FLNB: variants seen among roughly 807,000 people sequenced by gnomAD.
The protein encoded by FLNB is filamin-B.
A neutral mutation model predicts 250.6 loss-of-function variants in FLNB; 111 were observed. That is an observed-to-expected ratio of 0.44 (90% CI 0.38 to 0.52). The LOEUF is 0.52. Ranked by LOEUF, FLNB falls within the 20% of genes least tolerant of loss-of-function variation. FLNB has a pLI of 0.00. For synonymous variants in FLNB, 1,302 were observed against 1,372.1 expected (o/e 0.95, Z 1.13); for missense variants, 2,869 against 3,447.8 (o/e 0.83, Z 4.20).
At position 58,109,125 on chromosome 3, in the gene FLNB, C is replaced by T. The variant is rs7634236; in HGVS notation, c.2056-54C>T. On this transcript the variant is annotated intron_variant, in intron 13 of 45. Transcript: ENST00000295956. ...TCTTGGGAGGCCACAGTGACCCTGT[C>T]TGATAGAGACAGTGTGAGGGCCACC... The T allele has an allele frequency of 0.32, 515,007 of 1,611,822 alleles. 105,310 individuals carry two copies. The highest frequency in any genetic ancestry group is 0.98 in the East Asian group (43,983 of 44,880).
At chr3:58,106,470 G>GA (rs200542539) in intron 11 of FLNB, among the ~76,000 whole-genome samples, 23 of 131,888 alleles carry the variant, frequency 1.7e-4, no homozygotes, top group Non-Finnish European at 1.9e-4. Flanking sequence ...GCCTACATTT[G>GA]AAAAAAAAAA....
In FLNB at chr3:58,109,314, C is replaced by A; in HGVS notation, c.2191C>A (p.Pro731Thr). The A allele has an allele frequency of 6.2e-7, 1 of 1,613,674 alleles. No individual in the cohort carries two copies. ...VWGGVNIPHSPYRVNIGQGSH... is the reference protein window; with the variant it reads ...VWGGVNIPHSTYRVNIGQGSH... Reference sequence around the variant, plus strand: ...GGGAGGCGTGAACATCCCGCACAGCCCCTACAGGGTAGGTTGTGAGGCAGA... The same window carrying A: ...GGGAGGCGTGAACATCCCGCACAGCACCTACAGGGTAGGTTGTGAGGCAGA... Residue 731 changes from proline to threonine, a missense_variant, in exon 14 of 46, where the codon CCC becomes ACC. Pro to Thr is a conservative substitution (Grantham distance 38, BLOSUM62 -1). Around this residue, in one of 5 missense-constraint regions of FLNB, gnomAD observed 1,348 missense variants for 1,466.7 expected, o/e 0.92. Transcript: ENST00000295956.
At position 58,156,061 on chromosome 3, in the gene FLNB, G is replaced by C. The variant is rs1353372609; in HGVS notation, c.6874G>C (p.Val2292Leu). 6.2e-7 allele frequency: 1 copy of C among 1,613,788 alleles called. No individual in the cohort carries two copies. Among genetic ancestry groups the C allele is most frequent in the South Asian group, 1.1e-5 (1 of 91,074 alleles). The change falls in exon 41 of 46, where the codon GTT (valine) becomes CTT (leucine). Residue 2292 changes from valine (V) to leucine (L), a missense_variant. Coordinates refer to ENST00000295956, the MANE Select transcript of FLNB (RefSeq NM_001457.4). ...APSDDARRLTVMSLQESGLKV... is the reference protein window; with the variant it reads ...APSDDARRLTLMSLQESGLKV... ...CTCCGACGACGCCCGCCGCCTCACT[G>C]TTATGAGCCTTCAGGTGAGATGCAA...
intron 24 of FLNB, among the ~76,000 whole-genome samples, chr3:58,128,198 C>G (rs1285862428): frequency 6.6e-6 from 1 of 152,150 alleles, no homozygotes; most frequent in African/African-American, 2.4e-5. Context: ...GTCCACTGAC[C>G]ACACGCTTTC....
chr3:58,114,055 A>G (rs2097273650), intron 18 of FLNB, among the ~76,000 whole-genome samples: 1 of 151,978 alleles, frequency 6.6e-6, no homozygotes, highest in Non-Finnish European at 1.5e-5. Context: ...TCAGAACTTC[A>G]TTCCTTTTCG....
chr3:58,149,847 C>T lies in FLNB; in HGVS notation c.6092-3C>T. On this transcript the variant is annotated splice_polypyrimidine_tract_variant and splice_region_variant and intron_variant, in intron 36 of 45. Transcript: ENST00000295956. ...AGAACAGCCTGGGGCTGCTGTGTTG[C>T]AGGTTATGGTGGCATATCCTTGGCG... 7 of 1,614,226 alleles carry T rather than the reference C, an allele frequency of 4.3e-6. No homozygotes were observed. Among genetic ancestry groups the T allele is most frequent in the Non-Finnish European group, 5.9e-6 (7 of 1,180,038 alleles).
rs756266678 is a variant in FLNB at position 58,136,067 on chromosome 3, G to A, written c.4760G>A (p.Arg1587His). Residue 1587 changes from arginine (R) to histidine (H), a missense_variant, in exon 28 of 46, where the codon CGC becomes CAC. This residue lies in a region of FLNB where 126 missense variants were observed against 182.0 expected (regional missense o/e 0.69). Coordinates refer to ENST00000295956, the MANE Select transcript of FLNB (RefSeq NM_001457.4). ...AVTYIPDKTG[R>H]YMIGVTYGGD... ...ACCTACATCCCCGACAAGACTGGGC[G>A]CTATATGATTGGAGTCACCTACGGG... is the stretch of plus-strand genomic sequence containing the variant. 17 of 1,614,076 alleles carry A rather than the reference G, an allele frequency of 1.1e-5. No individual in the cohort carries two copies. The African/African-American group carries it at 1.1e-4, about 10-fold the overall frequency.
chr3:58,104,079 C>T lies in FLNB; in HGVS notation c.1604C>T (p.Pro535Leu). 6.2e-7 allele frequency: 1 copy of T among 1,613,776 alleles called. No homozygotes were observed. Among genetic ancestry groups the T allele is most frequent in the South Asian group, 1.1e-5 (1 of 91,052 alleles). ...ATCACATGGGGGGGACACCACATTC[C>T]AAAGAGGTGAGGCTCCTGCTGCAGA... ...IAITWGGHHIPKSPFEVQVGP... is the reference protein window; with the variant it reads ...IAITWGGHHILKSPFEVQVGP... Residue 535 changes from proline to leucine, a missense_variant, in exon 10 of 46, where the codon CCA becomes CTA. Around this residue, in one of 5 missense-constraint regions of FLNB, gnomAD observed 1,348 missense variants for 1,466.7 expected, o/e 0.92. Coordinates refer to ENST00000295956, the MANE Select transcript of FLNB (RefSeq NM_001457.4).
Position 58,110,025 on chromosome 3 carries a change from G to A in FLNB, c.2339G>A (p.Gly780Asp), listed in dbSNP as rs950626396. Residue 780 changes from glycine (G) to aspartate (D), a missense_variant, in exon 16 of 46, where the codon GGC becomes GAC. Coordinates refer to ENST00000295956, the MANE Select transcript of FLNB (RefSeq NM_001457.4). ...TEAGEGDVSV[G>D]IKCDARVLSE... ...TCTGTTCCAGGTGATGTCAGTGTTGGCATTAAGTGTGATGCCCGGGTGTTA... is the reference window on the plus strand; with the variant it reads ...TCTGTTCCAGGTGATGTCAGTGTTGACATTAAGTGTGATGCCCGGGTGTTA... The A allele has an allele frequency of 1.9e-6, 3 of 1,614,150 alleles. No homozygotes were observed. Among genetic ancestry groups the A allele is most frequent in the African/African-American group, 1.3e-5 (1 of 75,024 alleles).
intron 1 of FLNB, among the ~76,000 whole-genome samples, chr3:58,052,286 A>G (rs1020195845): frequency 1.3e-5 from 2 of 152,184 alleles, no homozygotes; most frequent in Non-Finnish European, 2.9e-5. Flanking sequence ...AAATCACTCC[A>G]TGTAGATTAG....
At chr3:58,128,135 C>T (rs1392837769) in intron 24 of FLNB, among the ~76,000 whole-genome samples, 3 of 152,166 alleles carry the variant, frequency 2.0e-5, no homozygotes, top group Admixed American at 2.0e-4. Context: ...AGGGGAAGGG[C>T]AGGTTGAGGG....
chr3:58,008,876 C>G lies in FLNB; in HGVS notation c.292+20C>G. ...CCATCGGTGAGTTCTCTGGCCGGGC[C>G]CAGGCGCCCACTGTGGTGCCGACCC... On this transcript the variant is annotated intron_variant, in intron 1 of 45. Transcript: ENST00000295956. 6.2e-7 allele frequency: 1 copy of G among 1,613,206 alleles called. No homozygotes were observed. The highest frequency in any genetic ancestry group is 8.5e-7 in the Non-Finnish European group (1 of 1,179,840).
intron 1 of FLNB, among the ~76,000 whole-genome samples, chr3:58,068,561 G>A (rs897906796): frequency 2.0e-5 from 3 of 152,154 alleles, no homozygotes; most frequent in African/African-American, 4.8e-5. Context: ...AGCTGTCCCC[G>A]CTTTGGTTCA....
At chr3:58,118,655 C>T (rs1046515260) in intron 18 of FLNB, among the ~76,000 whole-genome samples, 16 of 152,130 alleles carry the variant, frequency 1.1e-4, no homozygotes, top group Admixed American at 2.6e-4. Context: ...CATTAAGTTG[C>T]TTCTGTTATT....
rs1170667168 is a variant in FLNB at position 58,146,999 on chromosome 3, G to C, written c.5728+6G>C. ...CTTCACAGCCAAGATCACAGGTAGGGTTGTCTGGCTTCTGGGGTCTTCCTC... is the reference window on the plus strand; with the variant it reads ...CTTCACAGCCAAGATCACAGGTAGGCTTGTCTGGCTTCTGGGGTCTTCCTC... On this transcript the variant is annotated splice_donor_region_variant and intron_variant, in intron 34 of 45. Coordinates refer to ENST00000295956, the MANE Select transcript of FLNB (RefSeq NM_001457.4). 1.4e-5 allele frequency: 23 copies of C among 1,613,684 alleles called. No individual in the cohort carries two copies. Among genetic ancestry groups the C allele is most frequent in the Non-Finnish European group, 1.9e-5 (23 of 1,180,014 alleles).
At chr3:58,069,471 C>G (rs1313536980) in intron 1 of FLNB, among the ~76,000 whole-genome samples, 1 of 152,028 alleles carries the variant, frequency 6.6e-6, no homozygotes, top group Non-Finnish European at 1.5e-5. Flanking sequence ...GAACTCGTGA[C>G]CTCAGGAGGT....
chr3:58,056,962 A>G (rs1260839608), intron 1 of FLNB, among the ~76,000 whole-genome samples: 3 of 151,652 alleles, frequency 2.0e-5, no homozygotes, highest in African/African-American at 7.3e-5. Flanking sequence ...TTGGGATGTG[A>G]GAAAACTAAC....
chr3:58,143,295 A>G (rs1037924335), intron 31 of FLNB, among the ~76,000 whole-genome samples, 178 bp from the exon 32 acceptor site: 30 of 100,782 alleles, frequency 3.0e-4, no homozygotes, highest in Non-Finnish European at 6.9e-4. Context: ...TGGAACTGGA[A>G]AAAAAAAAAA....
intron 1 of FLNB, among the ~76,000 whole-genome samples, chr3:58,075,213 G>A (rs1459544343): frequency 6.6e-6 from 1 of 152,010 alleles, no homozygotes; most frequent in Non-Finnish European, 1.5e-5. Flanking sequence ...GCTCTTGGTG[G>A]GTGGCTGGGG....
Sources: allele counts gnomAD v4.1 joint callset (sites outside exome capture counted in the v4.1 genomes callset), GRCh38; gene constraint gnomAD v4.1.1; regional missense constraint gnomAD v4.1.1; transcripts MANE v1.5; gene names NCBI Gene and HGNC (gene_info 2026-07-23, HGNC 2026-07-21).